The following SH3RF1 variants were observed in gnomAD, a reference collection of about 807,000 sequenced individuals.
SH3RF1 encodes SH3 domain containing ring finger 1.
A neutral mutation model predicts 74.0 loss-of-function variants in SH3RF1; 32 were observed. The observed-to-expected ratio is 0.43, with a 90% CI of 0.33 to 0.58. The LOEUF (loss-of-function observed/expected upper bound fraction) is 0.58, where lower values mean the gene tolerates loss of function less well. Ranked by LOEUF, SH3RF1 falls within the 20% of genes least tolerant of loss-of-function variation. SH3RF1 has a pLI of 0.05. For synonymous variants in SH3RF1, 396 were observed against 439.6 expected (o/e 0.90, Z 1.24); for missense variants, 954 against 1,130.9 (o/e 0.84, Z 2.24).
At chr4:169,265,661 C>T (rs565521515) in intron 2 of SH3RF1, among the ~76,000 whole-genome samples, 6 of 152,010 alleles carry the variant, frequency 3.9e-5, no homozygotes, top group African/African-American at 7.2e-5. Flanking sequence ...TTAGTAAAGA[C>T]GGGGTTTCAC....
chr4:169,126,467 C>A (rs915150654), intron 6 of SH3RF1, among the ~76,000 whole-genome samples: 6 of 152,226 alleles, frequency 3.9e-5, no homozygotes, highest in African/African-American at 1.2e-4. Context: ...CCTGAACCCA[C>A]CAACAACAGT....
At chr4:169,122,943 T>C (rs1733464903) in intron 6 of SH3RF1, among the ~76,000 whole-genome samples, 1 of 152,174 alleles carries the variant, frequency 6.6e-6, no homozygotes, top group Admixed American at 6.5e-5. Context: ...GCCTACAGGA[T>C]TCCATGCCTT....
At chr4:169,255,124 C>T (rs1322113719) in intron 2 of SH3RF1, among the ~76,000 whole-genome samples, 1 of 152,174 alleles carries the variant, frequency 6.6e-6, no homozygotes, top group Non-Finnish European at 1.5e-5. Flanking sequence ...TTTGAAATGT[C>T]CTTTAGAAGA....
In SH3RF1 at chr4:169,173,999, T is replaced by TTATATATA. The variant is rs35680762; in HGVS notation, c.394-17328_394-17321dup. 8.2e-3 allele frequency among the ~76,000 whole-genome samples: 1,218 copies of TTATATATA among 149,120 alleles called. 7 individuals carry two copies. The highest frequency in any genetic ancestry group is 0.012 in the Non-Finnish European group (807 of 67,240). ...AGTTCTTCAATTGTAATTTCCTGAG[T>TTATATATA]TATATATATATATATATGGTGACTG... is the stretch of plus-strand genomic sequence containing the variant. On this transcript the variant is annotated intron_variant, in intron 2 of 11. Coordinates refer to ENST00000284637, the MANE Select transcript of SH3RF1 (RefSeq NM_020870.4).
Position 169,202,570 on chromosome 4 carries a change from T to C in SH3RF1, c.394-45891A>G, listed in dbSNP as rs1221854522. 3.3e-5 allele frequency among the ~76,000 whole-genome samples: 5 copies of C among 152,334 alleles called. No individual in the cohort carries two copies. In the East Asian group the frequency reaches 5.8e-4, roughly 18 times the overall value. On this transcript the variant is annotated intron_variant, in intron 2 of 11. Transcript: ENST00000284637. Reference sequence around the variant, plus strand: ...AGCTTATAATTAGTATTTGGGTTAATAACACAGTGACAATTGTCTGAACCT... The same window carrying C: ...AGCTTATAATTAGTATTTGGGTTAACAACACAGTGACAATTGTCTGAACCT...
intron 2 of SH3RF1, among the ~76,000 whole-genome samples, chr4:169,194,774 C>A (rs1284592253): frequency 2.0e-5 from 3 of 152,194 alleles, no homozygotes; most frequent in Non-Finnish European, 4.4e-5. Context: ...TTGTACCAGT[C>A]TCCCAAAGTG....
chr4:169,230,268 C>T (rs1308973105), intron 2 of SH3RF1, among the ~76,000 whole-genome samples: 1 of 152,140 alleles, frequency 6.6e-6, no homozygotes, highest in African/African-American at 2.4e-5. Flanking sequence ...GCTAAATGAA[C>T]CTACCCATGT....
rs185959792 is a variant in SH3RF1, at chr4:169,229,411, T to G, written c.393+39409A>C. Among the ~76,000 whole-genome samples the G allele has an allele frequency of 8.2e-3, 1,247 of 152,222 alleles. 8 individuals are homozygous for G. The highest frequency in any genetic ancestry group is 0.012 in the Non-Finnish European group (820 of 68,000). ...TGTACAACACATGATGTCTTTTTTT[T>G]TGTGTCCCAAATTGTGTTCCTTAGA... On this transcript the variant is annotated intron_variant, in intron 2 of 11. Transcript: ENST00000284637.
chr4:169,222,233 G>A (rs927568719), intron 2 of SH3RF1, among the ~76,000 whole-genome samples: 7 of 152,178 alleles, frequency 4.6e-5, no homozygotes, highest in Non-Finnish European at 1.0e-4. Flanking sequence ...GGAGGCCGAG[G>A]CAGGTAGATC....
chr4:169,136,660 C>A (rs1475203899), intron 4 of SH3RF1, 40 bp from the exon 5 acceptor site: 1 of 1,464,908 alleles, frequency 6.8e-7, no homozygotes, highest in Non-Finnish European at 9.0e-7. Flanking sequence ...GAAGGTTAAA[C>A]AATTCCTAAG....
In SH3RF1 at chr4:169,269,313, G is replaced by A. The variant is rs1275133265; in HGVS notation, c.-95-6C>T. 7.8e-7 allele frequency: 1 copy of A among 1,285,354 alleles called. No individual in the cohort carries two copies. 79.6% of individuals were successfully genotyped at this position (1,285,354 alleles called of 1,614,324 possible). On this transcript the variant is annotated splice_polypyrimidine_tract_variant and splice_region_variant and intron_variant, in intron 1 of 11. Coordinates refer to ENST00000284637, the MANE Select transcript of SH3RF1 (RefSeq NM_020870.4). ...CATCCATTTCAGACTTTGCTCTAGA[G>A]TCATGGGGAAAAGGGGGAAAAGAGA...
chr4:169,250,922 C>T (rs1249654064), intron 2 of SH3RF1, among the ~76,000 whole-genome samples: 1 of 152,148 alleles, frequency 6.6e-6, no homozygotes, highest in Non-Finnish European at 1.5e-5. Flanking sequence ...AAAAGCTGAC[C>T]TTCCTTCCAG....
chr4:169,255,767 CT>C lies in SH3RF1; in HGVS notation c.393+13052del, dbSNP rs945004380. 6.0e-3 allele frequency among the ~76,000 whole-genome samples: 873 copies of C among 146,566 alleles called. 6 individuals are homozygous for C. Among genetic ancestry groups the C allele is most frequent in the African/African-American group, 0.014 (549 of 40,168 alleles). On this transcript the variant is annotated intron_variant, in intron 2 of 11. Transcript: ENST00000284637. ...GGCATAATAATCTTTCCTAACATTACTTTTTTTTTTTCTTTTTGAGTCAAGA... is the reference window on the plus strand; with the variant it reads ...GGCATAATAATCTTTCCTAACATTACTTTTTTTTTTCTTTTTGAGTCAAGA...
chr4:169,096,279 G>T lies in SH3RF1; in HGVS notation c.*240C>A. 2.7e-6 allele frequency: 1 copy of T among 376,956 alleles called. No homozygotes were observed. The highest frequency in any genetic ancestry group is 4.7e-6 in the Non-Finnish European group (1 of 213,428). The allele number at this position is 376,956 out of a possible 1,614,324, so 23.4% of individuals were successfully genotyped here. ...TAAAAAAAAAAAAAAGTTTCTCTGT[G>T]TAGTAAATCAGACAGTACAAGGCAC... On this transcript the variant is annotated 3_prime_UTR_variant, in exon 12 of 12. Transcript: ENST00000284637.
intron 5 of SH3RF1, among the ~76,000 whole-genome samples, chr4:169,130,719 A>C (rs1733605468): frequency 6.6e-6 from 1 of 152,262 alleles, no homozygotes; most frequent in African/African-American, 2.4e-5. Context: ...CTTTAAAGGA[A>C]CAATGTCAAG....
At chr4:169,199,205 G>T (rs1051317990) in intron 2 of SH3RF1, among the ~76,000 whole-genome samples, 4 of 152,208 alleles carry the variant, frequency 2.6e-5, no homozygotes, top group African/African-American at 9.7e-5. Flanking sequence ...GGTTTAGACT[G>T]CTGGGTATGC....
At chr4:169,167,399 A>G (rs911143269) in intron 2 of SH3RF1, among the ~76,000 whole-genome samples, 1 of 152,192 alleles carries the variant, frequency 6.6e-6, no homozygotes, top group Non-Finnish European at 1.5e-5. Flanking sequence ...AAATTCTTAT[A>G]AAGTTATATG....
intron 2 of SH3RF1, among the ~76,000 whole-genome samples, chr4:169,185,871 C>T (rs1022149875): frequency 2.6e-5 from 4 of 152,120 alleles, no homozygotes; most frequent in Non-Finnish European, 5.9e-5. Flanking sequence ...AACTACACAG[C>T]GTAATCAAGA....
intron 10 of SH3RF1, among the ~76,000 whole-genome samples, chr4:169,108,542 G>A (rs919980123): frequency 2.0e-5 from 3 of 152,146 alleles, no homozygotes; most frequent in African/African-American, 7.2e-5. Flanking sequence ...AGAGAGGGTG[G>A]GAGTGGGTGC....
Sources: gnomAD v4.1 joint callset for allele counts (sites outside exome capture counted in the v4.1 genomes callset) on GRCh38, gnomAD v4.1.1 for gene constraint, MANE v1.5 for transcripts, NCBI Gene and HGNC (gene_info 2026-07-23, HGNC 2026-07-21) for gene names.